CNTNAP5: variants seen among roughly 807,000 people sequenced by gnomAD.
The protein encoded by CNTNAP5 is contactin associated protein family member 5, also known as contactin-associated protein-like 5.
CNTNAP5 carries 72 observed loss-of-function variants against 150.2 expected under a neutral mutation model. The ratio of observed to expected loss-of-function variants is 0.48; its 90% CI spans 0.40 to 0.58. CNTNAP5 has a LOEUF of 0.58. Ranked by LOEUF, CNTNAP5 falls within the 20% of genes least tolerant of loss-of-function variation. The pLI is 0.00. For synonymous variants in CNTNAP5, 672 were observed against 619.8 expected, an observed-to-expected ratio of 1.08 and a Z score of -1.25; for missense variants, 1,636 against 1,626.2, an observed-to-expected ratio of 1.01 and a Z score of -0.10.
chr2:124,159,877 C>T (rs771041779), intron 1 of CNTNAP5, among the ~76,000 whole-genome samples: 1 of 152,042 alleles, frequency 6.6e-6, no homozygotes, highest in Non-Finnish European at 1.5e-5. Context: ...TTAAAGGACT[C>T]GAGGGATAAA....
In CNTNAP5 at chr2:124,223,686, T is replaced by G. The variant is rs574793646; in HGVS notation, c.187+1877T>G. Among the ~76,000 whole-genome samples the G allele has an allele frequency of 3.7e-3, 568 of 151,968 alleles. 4 individuals are homozygous for G. The highest frequency in any genetic ancestry group is 0.013 in the African/African-American group (549 of 41,462). ...TGTGGGTCTGATCACAGGCCGGCTC[T>G]CTCCCTGACAGACAGATATTGAGTG... On this transcript the variant is annotated intron_variant, in intron 2 of 23. Coordinates refer to ENST00000682447, the MANE Select transcript of CNTNAP5 (RefSeq NM_001367498.1).
intron 21 of CNTNAP5, among the ~76,000 whole-genome samples, chr2:124,900,212 G>A (rs1678387475): frequency 6.6e-6 from 1 of 151,542 alleles, no homozygotes; most frequent in African/African-American, 2.4e-5. Context: ...GTTGTATGTA[G>A]CTACTCAGTG....
chr2:124,431,686 AT>A (rs998923747), intron 4 of CNTNAP5, among the ~76,000 whole-genome samples: 3 of 141,564 alleles, frequency 2.1e-5, no homozygotes, highest in Non-Finnish European at 4.6e-5. Flanking sequence ...ATATAAATAA[AT>A]TTTAATAAAT....
intron 12 of CNTNAP5, among the ~76,000 whole-genome samples, chr2:124,636,861 A>T (rs1677980747): frequency 7.3e-6 from 1 of 137,118 alleles, no homozygotes; most frequent in Non-Finnish European, 1.7e-5. Context: ...CACGTTTACG[A>T]TTCTGCCACA....
chr2:124,614,751 T>C (rs1437561279), intron 12 of CNTNAP5, among the ~76,000 whole-genome samples: 1 of 152,184 alleles, frequency 6.6e-6, no homozygotes, highest in Non-Finnish European at 1.5e-5. Flanking sequence ...TGCAGCATCC[T>C]GTTTTATCAG....
At chr2:124,820,790 C>A (rs892067835) in intron 19 of CNTNAP5, among the ~76,000 whole-genome samples, 6 of 152,254 alleles carry the variant, frequency 3.9e-5, no homozygotes, top group Admixed American at 2.6e-4. Context: ...TCCCAAATCT[C>A]AGTAGCTTGT....
intron 1 of CNTNAP5, among the ~76,000 whole-genome samples, chr2:124,055,828 G>A (rs940262264): frequency 6.6e-6 from 1 of 152,128 alleles, no homozygotes; most frequent in Non-Finnish European, 1.5e-5. Flanking sequence ...CAAGAAGACA[G>A]AAGCCATTTG....
intron 3 of CNTNAP5, among the ~76,000 whole-genome samples, chr2:124,305,039 G>C (rs1454772169): frequency 1.3e-5 from 2 of 149,312 alleles, no homozygotes; most frequent in African/African-American, 5.0e-5. Flanking sequence ...GCCAAGGCAG[G>C]TGAGTTGCTT....
intron 3 of CNTNAP5, among the ~76,000 whole-genome samples, chr2:124,295,024 T>A (rs1408296202): frequency 2.0e-5 from 3 of 151,926 alleles, no homozygotes; most frequent in Non-Finnish European, 2.9e-5. Flanking sequence ...GGGAATTGCT[T>A]GAACCTGGGA....
intron 6 of CNTNAP5, among the ~76,000 whole-genome samples, chr2:124,455,872 T>C (rs144382227): frequency 5.3e-5 from 8 of 152,282 alleles, no homozygotes; most frequent in Non-Finnish European, 1.2e-4. Flanking sequence ...GATCCCTTTA[T>C]GATTAAAACT....
At chr2:124,037,414 C>T (rs1681255814) in intron 1 of CNTNAP5, among the ~76,000 whole-genome samples, 2 of 152,262 alleles carry the variant, frequency 1.3e-5, no homozygotes, top group South Asian at 2.1e-4. Flanking sequence ...CTACAATAGT[C>T]AAGTCATGAA....
intron 5 of CNTNAP5, among the ~76,000 whole-genome samples, chr2:124,443,003 A>G (rs1187413474): frequency 2.0e-5 from 3 of 152,134 alleles, no homozygotes; most frequent in African/African-American, 7.2e-5. Context: ...CATGGTCTTT[A>G]TATAGGACAA....
At position 124,918,004 on chromosome 2, in the gene CNTNAP5, C is replaced by T. The variant is rs965972486; in HGVS notation, c.*3716C>T. 6.6e-6 allele frequency among the ~76,000 whole-genome samples: 1 copy of T among 152,158 alleles called. No homozygotes were observed. The highest frequency in any genetic ancestry group is 2.4e-5 in the African/African-American group (1 of 41,550). Reference sequence around the variant, plus strand: ...TCCTCAAAGTAGATATCTATCAATGCATATAGATTTCTGTAGAAAGGGGTG... The same window carrying T: ...TCCTCAAAGTAGATATCTATCAATGTATATAGATTTCTGTAGAAAGGGGTG... On this transcript the variant is annotated 3_prime_UTR_variant, in exon 24 of 24. Transcript: ENST00000682447.
chr2:124,817,301 T>G (rs1224360686), intron 19 of CNTNAP5, among the ~76,000 whole-genome samples: 1 of 152,214 alleles, frequency 6.6e-6, no homozygotes, highest in East Asian at 1.9e-4. Flanking sequence ...TAGAATGTTC[T>G]GTCTCCTAAA....
chr2:124,337,772 T>C (rs913636067), intron 3 of CNTNAP5, among the ~76,000 whole-genome samples: 5 of 152,212 alleles, frequency 3.3e-5, no homozygotes, highest in African/African-American at 1.2e-4. Flanking sequence ...TTTTGGTTAC[T>C]GTAGCCTTGT....
chr2:124,504,496 GGT>G lies in CNTNAP5; in HGVS notation c.1269_1270del (p.Gly424AsnfsTer15). ...GGGAACCCTGCTGCTGAGCCTGGAG[GGT>G]GGAATCCTGAGACTCGTGATTCAGA... Reference protein sequence around the residue: ...GSGTLLLSLEGGILRLVIQKM... With the variant: ...GSGTLLLSLEXGILRLVIQKM... On this transcript the variant is annotated frameshift_variant, in exon 8 of 24. Transcript: ENST00000682447. LOFTEE classifies it high-confidence loss of function. 1 of 1,613,798 alleles carries G rather than the reference GGT, an allele frequency of 6.2e-7. No homozygotes were observed. The highest frequency in any genetic ancestry group is 8.5e-7 in the Non-Finnish European group (1 of 1,179,832).
intron 14 of CNTNAP5, among the ~76,000 whole-genome samples, chr2:124,750,659 G>A (rs1464470545): frequency 6.6e-6 from 1 of 151,934 alleles, no homozygotes; most frequent in Non-Finnish European, 1.5e-5. Flanking sequence ...TTATTAGGTG[G>A]GTACAAAAGT....
chr2:124,222,470 C>T (rs543888617), intron 2 of CNTNAP5, among the ~76,000 whole-genome samples: 3 of 151,998 alleles, frequency 2.0e-5, no homozygotes, highest in Non-Finnish European at 4.4e-5. Context: ...ATAAATACTG[C>T]AAAAGAGATT....
At position 124,701,585 on chromosome 2, in the gene CNTNAP5, T is replaced by G. The variant is rs368004185; in HGVS notation, c.2078-45644T>G. Among the ~76,000 whole-genome samples, 25 of 152,230 alleles carry G rather than the reference T, an allele frequency of 1.6e-4. No homozygotes were observed. The South Asian group carries it at 5.0e-3, about 30-fold the overall frequency. On this transcript the variant is annotated intron_variant, in intron 13 of 23. Coordinates refer to ENST00000682447, the MANE Select transcript of CNTNAP5 (RefSeq NM_001367498.1). ...TTGTATGGTAGTTTTATTTTTAATT[T>G]CTTCATAATTCCCCATACTGCTTTC...
Sources: gnomAD v4.1 joint callset for allele counts (sites outside exome capture counted in the v4.1 genomes callset) on GRCh38, gnomAD v4.1.1 for gene constraint, MANE v1.5 for transcripts, NCBI Gene and HGNC (gene_info 2026-07-23, HGNC 2026-07-21) for gene names.